Variants in LYPD3 observed in about 807,000 individuals in gnomAD.
LYPD3 encodes ly6/PLAUR domain-containing protein 3.
In LYPD3, 22 loss-of-function variants were observed where a neutral mutation model predicts 21.7. The observed-to-expected ratio is 1.01, with a 90% CI of 0.72 to 1.45. The LOEUF (loss-of-function observed/expected upper bound fraction) is 1.45. Ranked by LOEUF, LYPD3 falls within the 40% of genes most tolerant of loss-of-function variation. LYPD3 has a pLI of 0.00. For missense variants in LYPD3, 471 were observed against 466.9 expected (o/e 1.01, Z -0.08); for synonymous variants, 179 against 203.0 (o/e 0.88, Z 1.00).
chr19:43,465,370 G>T, intron 1 of LYPD3, 123 bp downstream of exon 1: 1 of 1,090,904 alleles, frequency 9.2e-7, no homozygotes, highest in Non-Finnish European at 1.3e-6. Flanking sequence ...GGGGAACTTT[G>T]CCCACAGTGC....
In LYPD3 at chr19:43,461,299, G is replaced by A; in HGVS notation, c.*52C>T. 1 of 1,505,102 alleles carries A rather than the reference G, an allele frequency of 6.6e-7. No homozygotes were observed. Among genetic ancestry groups the A allele is most frequent in the South Asian group, 1.3e-5 (1 of 76,596 alleles). 93.2% of individuals were successfully genotyped at this position (1,505,102 alleles called of 1,614,324 possible). A position where few individuals can be genotyped will look rare whatever the true frequency, so the allele number is the denominator to read the frequency against. ...GGGAACAGGAAGTGATGAGAAGAGG[G>A]GTACCCAGGGCCAGAGAAGTAGGTG... is the stretch of plus-strand genomic sequence containing the variant. On this transcript the variant is annotated 3_prime_UTR_variant, in exon 5 of 5. Coordinates refer to ENST00000244333, the MANE Select transcript of LYPD3 (RefSeq NM_014400.3).
Position 43,465,540 on chromosome 19 carries a change from G to T in LYPD3, c.32C>A (p.Ala11Asp), listed in dbSNP as rs775365810. 1.2e-6 allele frequency: 2 copies of T among 1,610,622 alleles called. No individual in the cohort carries two copies. The highest frequency in any genetic ancestry group is 2.2e-5 in the South Asian group (2 of 91,080). MDPARKAGAQAMIWTAGWLLL... is the reference protein window; with the variant it reads MDPARKAGAQDMIWTAGWLLL... ...CAGCCAGCCTGCAGTCCAGATCATG[G>T]CCTGGGCACCTGCTTTCCTGGCGGG... The change falls in exon 1 of 5, where the codon GCC becomes GAC. Residue 11 changes from alanine (A) to aspartate (D), a missense_variant. Coordinates refer to ENST00000244333, the MANE Select transcript of LYPD3 (RefSeq NM_014400.3).
Position 43,463,203 on chromosome 19 carries a change from G to C in LYPD3, c.467C>G (p.Pro156Arg). 3 of 1,610,612 alleles carry C rather than the reference G, an allele frequency of 1.9e-6. No homozygotes were observed. Among genetic ancestry groups the C allele is most frequent in the Non-Finnish European group, 2.5e-6 (3 of 1,180,008 alleles). The change falls in exon 4 of 5, where the codon CCG becomes CGG. Residue 156 changes from proline (P) to arginine (R), a missense_variant. By Grantham distance (103) the Pro-to-Arg change is moderately radical. Transcript: ENST00000244333. The stretch of plus-strand genomic sequence containing the variant: ...GGCGTTGTAGCAGCTCACGACCGGC[G>C]GCGATGTACCCTGGCACGCCTCCCG... ...LSREACQGTS[P>R]PVVSCYNASD...
chr19:43,461,394 A>G lies in LYPD3; in HGVS notation c.998T>C (p.Leu333Ser). ...AGCCACGGCCAACAGAAGGGCTGCC[A>G]ATCCAGCTGTGGGAGCCACACAGCC... ...NKGCVAPTAGLAALLLAVAAG... is the reference protein window; with the variant it reads ...NKGCVAPTAGSAALLLAVAAG... The change falls in exon 5 of 5, where the codon TTG becomes TCG. Residue 333 changes from leucine (L) to serine (S), a missense_variant. By Grantham distance (145) the Leu-to-Ser change is moderately radical. Coordinates refer to ENST00000244333, the MANE Select transcript of LYPD3 (RefSeq NM_014400.3). The G allele has an allele frequency of 1.9e-6, 3 of 1,610,926 alleles. No individual in the cohort carries two copies. The South Asian group carries it at 3.3e-5, about 18-fold the overall frequency.
chr19:43,465,394 G>T, intron 1 of LYPD3, 99 bp downstream of exon 1: 1 of 1,378,994 alleles, frequency 7.3e-7, no homozygotes, highest in East Asian at 2.3e-5. Context: ...CTGCTTATGT[G>T]GGGATCCTTC....
rs1397521361 is a variant in LYPD3 at position 43,461,682 on chromosome 19, G to A, written c.710C>T (p.Pro237Leu). The change falls in exon 5 of 5, where the codon CCC becomes CTC. Residue 237 changes from proline (P) to leucine (L), a missense_variant. Pro to Leu is a moderately conservative substitution (Grantham distance 98). Transcript: ENST00000244333. The stretch of plus-strand genomic sequence containing the variant: ...CTCTGGAGGGGGCAGCCGGACAAGG[G>A]GTGGGATTCGAGGGGAGAAGTAGGT... ...NKTYFSPRIP[P>L]LVRLPPPEPT... The A allele has an allele frequency of 1.9e-6, 3 of 1,614,144 alleles. No individual in the cohort carries two copies. Among genetic ancestry groups the A allele is most frequent in the Non-Finnish European group, 2.5e-6 (3 of 1,180,032 alleles).
In LYPD3 at chr19:43,461,524, G is replaced by C. The variant is rs746415612; in HGVS notation, c.868C>G (p.Arg290Gly). ...PRQGVEHEAS[R>G]DEEPRLTGGA... is the part of the protein sequence containing the mutation. Reference sequence around the variant, plus strand: ...CCAGTCAACCTGGGCTCCTCATCCCGGGAGGCCTCGTGTTCTACTCCCTGT... The same window carrying C: ...CCAGTCAACCTGGGCTCCTCATCCCCGGAGGCCTCGTGTTCTACTCCCTGT... The change falls in exon 5 of 5, where the codon CGG becomes GGG. Residue 290 changes from arginine to glycine, a missense_variant. Physicochemically the swap from Arg to Gly is moderately radical, Grantham distance 125 (BLOSUM62 -2). Coordinates refer to ENST00000244333, the MANE Select transcript of LYPD3 (RefSeq NM_014400.3). 6.2e-7 allele frequency: 1 copy of C among 1,614,154 alleles called. No individual in the cohort carries two copies. Among genetic ancestry groups the C allele is most frequent in the South Asian group, 1.1e-5 (1 of 91,082 alleles).
At position 43,461,415 on chromosome 19, in the gene LYPD3, C is replaced by G. The variant is rs779077280; in HGVS notation, c.977G>C (p.Cys326Ser). The G allele has an allele frequency of 8.7e-6, 14 of 1,613,890 alleles. No individual in the cohort carries two copies. Among genetic ancestry groups the G allele is most frequent in the Non-Finnish European group, 8.5e-6 (10 of 1,179,764 alleles). Reference sequence around the variant, plus strand: ...TGCCAATCCAGCTGTGGGAGCCACACAGCCTTTATTATGGGGCTGCTGGGG... The same window carrying G: ...TGCCAATCCAGCTGTGGGAGCCACAGAGCCTTTATTATGGGGCTGCTGGGG... ...GGPQQPHNKG[C>S]VAPTAGLAAL... Residue 326 changes from cysteine (C) to serine (S), a missense_variant, in exon 5 of 5, where the codon TGT becomes TCT. Coordinates refer to ENST00000244333, the MANE Select transcript of LYPD3 (RefSeq NM_014400.3).
intron 1 of LYPD3, 24 bp from the exon 2 acceptor site, chr19:43,464,480 C>T (rs147937280): frequency 5.0e-6 from 8 of 1,613,588 alleles, no homozygotes; most frequent in Non-Finnish European, 6.8e-6. Flanking sequence ...GCCGAATAGA[C>T]CTGAGCCCTC....
chr19:43,463,973 A>G, intron 2 of LYPD3: 1 of 642,894 alleles, frequency 1.6e-6, no homozygotes, highest in Non-Finnish European at 2.7e-6. Context: ...GGGGTCACGG[A>G]ACGGGGGCGG....
chr19:43,463,804 G>C (rs370002142), intron 2 of LYPD3, 35 bp from the exon 3 acceptor site: 2 of 1,607,266 alleles, frequency 1.2e-6, no homozygotes, highest in African/African-American at 2.7e-5. Context: ...TTAGCTGTGG[G>C]CGTGGTCTCA....
chr19:43,464,223 C>T, intron 2 of LYPD3, 102 bp downstream of exon 2: 12 of 1,444,128 alleles, frequency 8.3e-6, no homozygotes, highest in Non-Finnish European at 1.1e-5. Flanking sequence ...GGGGTGGGGC[C>T]GCGTTAAAGG....
Position 43,463,242 on chromosome 19 carries a change from C to T in LYPD3, c.428G>A (p.Cys143Tyr). ...YPPNGVECYS[C>Y]VGLSREACQG... The stretch of plus-strand genomic sequence containing the variant: ...GCACGCCTCCCGGCTCAGGCCCACA[C>T]AGCTGTAGCACTCCACGCCGTTGGG... The change falls in exon 4 of 5, where the codon TGT becomes TAT. Residue 143 changes from cysteine (C) to tyrosine (Y), a missense_variant. Physicochemically the swap from Cys to Tyr is radical, Grantham distance 194. Transcript: ENST00000244333. The T allele has an allele frequency of 1.2e-6, 2 of 1,606,754 alleles. No individual in the cohort carries two copies. The highest frequency in any genetic ancestry group is 1.7e-6 in the Non-Finnish European group (2 of 1,179,980).
chr19:43,463,740 C>G lies in LYPD3; in HGVS notation c.241G>C (p.Gly81Arg), dbSNP rs151075262. 2.5e-6 allele frequency: 4 copies of G among 1,613,430 alleles called. No individual in the cohort carries two copies. Among genetic ancestry groups the G allele is most frequent in the Non-Finnish European group, 3.4e-6 (4 of 1,180,050 alleles). Residue 81 changes from glycine to arginine, a missense_variant, in exon 3 of 5, where the codon GGT becomes CGT. Coordinates refer to ENST00000244333, the MANE Select transcript of LYPD3 (RefSeq NM_014400.3). ...IHGQFSLAVR[G>R]CGSGLPGKND... ...TTGCCGGGGAGTCCCGAACCGCAAC[C>G]CCGCACTGCCAGCGAGAATTGTCCG...
chr19:43,464,436 A>G lies in LYPD3; in HGVS notation c.100T>C (p.Tyr34His). 6.2e-7 allele frequency: 1 copy of G among 1,614,088 alleles called. No individual in the cohort carries two copies. Among genetic ancestry groups the G allele is most frequent in the Non-Finnish European group, 8.5e-7 (1 of 1,180,016 alleles). Residue 34 changes from tyrosine (Y) to histidine (H), a missense_variant, in exon 2 of 5, where the codon TAC becomes CAC. Coordinates refer to ENST00000244333, the MANE Select transcript of LYPD3 (RefSeq NM_014400.3). ...LRGGAQALEC[Y>H]SCVQKADDGC... Reference sequence around the variant, plus strand: ...TCATCTGCTTTCTGCACGCAGCTGTAGCACTCCAGGGCCTGCGCTCCTGGG... The same window carrying G: ...TCATCTGCTTTCTGCACGCAGCTGTGGCACTCCAGGGCCTGCGCTCCTGGG...
Position 43,461,668 on chromosome 19 carries a change from G to T in LYPD3, c.724C>A (p.Pro242Thr), listed in dbSNP as rs1191161033. ...GCCACAGTCGTGGGCTCTGGAGGGG[G>T]CAGCCGGACAAGGGGTGGGATTCGA... is the stretch of plus-strand genomic sequence containing the variant. ...SPRIPPLVRL[P>T]PPEPTTVAST... Residue 242 changes from proline (P) to threonine (T), a missense_variant, in exon 5 of 5, where the codon CCC (proline) becomes ACC (threonine). Pro to Thr is a conservative substitution (Grantham distance 38). Transcript: ENST00000244333. 1 of 1,614,036 alleles carries T rather than the reference G, an allele frequency of 6.2e-7. No homozygotes were observed. The highest frequency in any genetic ancestry group is 2.2e-5 in the East Asian group (1 of 44,886).
At position 43,464,466 on chromosome 19, in the gene LYPD3, C is replaced by A; in HGVS notation, c.80-10G>T. On this transcript the variant is annotated splice_polypyrimidine_tract_variant and intron_variant, in intron 1 of 4. Transcript: ENST00000244333. ...TCCAGGGCCTGCGCTCCTGGGGGAG[C>A]GGAGCCGAATAGACCTGAGCCCTCC... The A allele has an allele frequency of 1.2e-6, 2 of 1,613,908 alleles. No individual in the cohort carries two copies. The highest frequency in any genetic ancestry group is 1.7e-6 in the Non-Finnish European group (2 of 1,180,014).
At chr19:43,462,161 G>A (rs1391740926) in intron 4 of LYPD3, among the ~76,000 whole-genome samples, 1 of 152,198 alleles carries the variant, frequency 6.6e-6, no homozygotes, top group Non-Finnish European at 1.5e-5. Flanking sequence ...GGCACATGGT[G>A]GATTAACATT....
intron 2 of LYPD3, 81 bp downstream of exon 2, chr19:43,464,244 G>C: frequency 2.0e-6 from 3 of 1,518,776 alleles, no homozygotes; most frequent in Non-Finnish European, 2.6e-6. Context: ...GGCGTGGCCA[G>C]ATCCAGAAAG....
Sources: gnomAD v4.1 joint callset for allele counts (sites outside exome capture counted in the v4.1 genomes callset) on GRCh38, gnomAD v4.1.1 for gene constraint, MANE v1.5 for transcripts, NCBI Gene and HGNC (gene_info 2026-07-23, HGNC 2026-07-21) for gene names.